The following NFIX variants were observed in gnomAD, a reference collection of about 807,000 sequenced individuals.
The protein encoded by NFIX is nuclear factor I X, also known as nuclear factor 1 X-type.
Under a neutral mutation model 53.3 loss-of-function variants are expected in NFIX, and 2 were observed. The observed-to-expected ratio is 0.04, with a 90% CI of 0.02 to 0.12. The LOEUF (loss-of-function observed/expected upper bound fraction) is 0.12, where lower values mean the gene tolerates loss of function less well. NFIX is among the 10% of genes least tolerant of loss of function. The pLI is 1.00. For synonymous variants in NFIX, 244 were observed against 289.0 expected (o/e 0.84, Z 1.58); for missense variants, 310 against 674.5 (o/e 0.46, Z 5.99).
chr19:13,033,887 C>T (rs1365768480), intron 2 of NFIX, among the ~76,000 whole-genome samples: 2 of 152,214 alleles, frequency 1.3e-5, no homozygotes, highest in African/African-American at 4.8e-5. Flanking sequence ...GGAATTAGCT[C>T]GTTTTGTCAG....
At chr19:13,059,777 C>CT (rs35128120) in intron 2 of NFIX, among the ~76,000 whole-genome samples, 6,337 of 60,542 alleles carry the variant, frequency 0.1, 836 homozygotes, top group Middle Eastern at 0.24. Flanking sequence ...AATTAGAATT[C>CT]TTTTTTTTTT....
At chr19:13,023,866 C>G (rs1208544505) in intron 1 of NFIX, 2 of 625,148 alleles carry the variant, frequency 3.2e-6, no homozygotes, top group Non-Finnish European at 5.6e-6. Flanking sequence ...TCCACCCAAG[C>G]CCGGCCCCTA....
At chr19:13,039,245 C>CACAT (rs146029256) in intron 2 of NFIX, among the ~76,000 whole-genome samples, 4 of 148,492 alleles carry the variant, frequency 2.7e-5, no homozygotes, top group African/African-American at 1.0e-4. Context: ...CACACATACA[C>CACAT]GTGTGTGTGT....
chr19:13,058,718 GA>G (rs2015868983), intron 2 of NFIX, among the ~76,000 whole-genome samples: 2 of 151,834 alleles, frequency 1.3e-5, no homozygotes, highest in South Asian at 4.2e-4. Flanking sequence ...AAACAGAAAA[GA>G]AAAAAAGCTC....
chr19:13,075,946 T>C (rs1183056705), intron 6 of NFIX, among the ~76,000 whole-genome samples: 2 of 152,132 alleles, frequency 1.3e-5, no homozygotes, highest in Non-Finnish European at 2.9e-5. Context: ...TGCCCCACAG[T>C]GGGATGGCCG....
Position 13,011,253 on chromosome 19 carries a change from G to T in NFIX, c.28-13768G>T, listed in dbSNP as rs778527843. On this transcript the variant is annotated intron_variant, in intron 1 of 10. Transcript: ENST00000592199. The surrounding 1 kb of genome is among the most constrained non-coding windows in gnomAD (Gnocchi z 6.5). Reference sequence around the variant, plus strand: ...CAGCCCCAGAAACACAATCGCGGGGGTGGGTGCTGGCGGCGAGACGTTGCT... The same window carrying T: ...CAGCCCCAGAAACACAATCGCGGGGTTGGGTGCTGGCGGCGAGACGTTGCT... Among the ~76,000 whole-genome samples, 3 of 152,214 alleles carry T rather than the reference G, an allele frequency of 2.0e-5. No homozygotes were observed. The highest frequency in any genetic ancestry group is 4.4e-5 in the Non-Finnish European group (3 of 68,044).
intron 2 of NFIX, among the ~76,000 whole-genome samples, chr19:13,063,902 C>G (rs1013451499): frequency 4.6e-5 from 7 of 152,224 alleles, no homozygotes; most frequent in African/African-American, 1.7e-4. Context: ...ATGCCCAGCC[C>G]TGGGAGGTTG....
At chr19:13,029,075 C>A (rs1391723479) in intron 2 of NFIX, among the ~76,000 whole-genome samples, 1 of 152,190 alleles carries the variant, frequency 6.6e-6, no homozygotes, top group Non-Finnish European at 1.5e-5. Flanking sequence ...TTTTCTTTAT[C>A]TAAACTCTTT....
intron 2 of NFIX, chr19:13,070,464 G>A (rs2016705516): frequency 6.6e-6 from 1 of 152,528 alleles, no homozygotes; most frequent in South Asian, 2.1e-4. Flanking sequence ...CGGGGAGAAG[G>A]AGAACACCAC....
Position 13,036,197 on chromosome 19 carries a change from C to T in NFIX, c.559+10645C>T, listed in dbSNP as rs1433765124. Among the ~76,000 whole-genome samples, 3 of 152,324 alleles carry T rather than the reference C, an allele frequency of 2.0e-5. No individual in the cohort carries two copies. The highest frequency in any genetic ancestry group is 4.1e-4 in the South Asian group (2 of 4,828). Reference sequence around the variant, plus strand: ...CGACTTCCCAAGTCTCCTAGGAAGGCGAGGGCTCTCCTTCGTGTGGAGTAG... The same window carrying T: ...CGACTTCCCAAGTCTCCTAGGAAGGTGAGGGCTCTCCTTCGTGTGGAGTAG... On this transcript the variant is annotated intron_variant, in intron 2 of 10. Transcript: ENST00000592199. This position sits in a 1 kb window ranked among gnomAD's most constrained non-coding sequence, Gnocchi z 4.7.
Position 12,995,632 on chromosome 19 carries a change from G to GCGGCGGCCC in NFIX, c.-202_-194dup, listed in dbSNP as rs1332244884. The GCGGCGGCCC allele has an allele frequency of 6.9e-6, 1 of 145,632 alleles. No individual in the cohort carries two copies. Among genetic ancestry groups the GCGGCGGCCC allele is most frequent in the African/African-American group, 2.5e-5 (1 of 40,264 alleles). The allele number at this position is 145,632 out of a possible 1,614,324, so 9.0% of individuals were successfully genotyped here. ...GGCGAGCGCGGCGGCGGCGGCGGCA[G>GCGGCGGCCC]CGGCGGCCCCGGAGCCGGCGGGGCC... On this transcript the variant is annotated 5_prime_UTR_variant, in exon 1 of 11. Coordinates refer to ENST00000592199, the MANE Select transcript of NFIX (RefSeq NM_001365902.3).
rs1032855438 is a variant in NFIX at position 13,088,546 on chromosome 19, C to A, written c.1402+410C>A. Among the ~76,000 whole-genome samples the A allele has an allele frequency of 2.1e-5, 3 of 145,744 alleles. No homozygotes were observed. Among genetic ancestry groups the A allele is most frequent in the African/African-American group, 5.1e-5 (2 of 39,144 alleles). ...TTAATTTTTTTGTTGTTTCGTTGTT[C>A]CCCCCACACCAAGAAAATCAAATGT... On this transcript the variant is annotated intron_variant, in intron 9 of 10. Transcript: ENST00000592199. This position sits in a 1 kb window ranked among gnomAD's most constrained non-coding sequence, Gnocchi z 5.9.
Position 13,067,420 on chromosome 19 carries a change from G to A in NFIX, c.560-5627G>A, listed in dbSNP as rs578028701. Among the ~76,000 whole-genome samples the A allele has an allele frequency of 1.3e-5, 2 of 152,212 alleles. No individual in the cohort carries two copies. The highest frequency in any genetic ancestry group is 4.1e-4 in the South Asian group (2 of 4,826). ...TGTACCATCTCACTCCACCCTTTCT[G>A]GACGGCAAGAAGTGGTTAGTGGCAC... is the stretch of plus-strand genomic sequence containing the variant. On this transcript the variant is annotated intron_variant, in intron 2 of 10. Coordinates refer to ENST00000592199, the MANE Select transcript of NFIX (RefSeq NM_001365902.3). The surrounding 1 kb of genome is among the most constrained non-coding windows in gnomAD (Gnocchi z 4.2).
Position 13,019,325 on chromosome 19 carries a change from TCAAATAATCCATA to T in NFIX, c.28-5693_28-5681del, listed in dbSNP as rs1419850129. The stretch of plus-strand genomic sequence containing the variant: ...GCTGTACATATTTTCCTATTTTTCT[TCAAATAATCCATA>T]CAGGCTCAGTGGACAGGTCTGTTGT... On this transcript the variant is annotated intron_variant, in intron 1 of 10. Transcript: ENST00000592199. 2.0e-5 allele frequency among the ~76,000 whole-genome samples: 3 copies of T among 152,226 alleles called. No individual in the cohort carries two copies. The East Asian group carries it at 5.8e-4, about 29-fold the overall frequency.
rs1270636502 is a variant in NFIX at position 13,072,062 on chromosome 19, G to A, written c.560-985G>A. 6.6e-6 allele frequency among the ~76,000 whole-genome samples: 1 copy of A among 152,188 alleles called. No homozygotes were observed. Among genetic ancestry groups the A allele is most frequent in the Non-Finnish European group, 1.5e-5 (1 of 68,026 alleles). The stretch of plus-strand genomic sequence containing the variant: ...GTTTTTCAGATGCCACCCCCATGTG[G>A]TCCCCCTGTGAGCAGCTGATTCTTC... On this transcript the variant is annotated intron_variant, in intron 2 of 10. Coordinates refer to ENST00000592199, the MANE Select transcript of NFIX (RefSeq NM_001365902.3). This position sits in a 1 kb window ranked among gnomAD's most constrained non-coding sequence, Gnocchi z 4.0.
At chr19:13,018,643 A>G (rs925288387) in intron 1 of NFIX, among the ~76,000 whole-genome samples, 6 of 152,134 alleles carry the variant, frequency 3.9e-5, no homozygotes, top group African/African-American at 1.4e-4. Context: ...TTGGCCCCCA[A>G]CTGAGGGGAG....
chr19:13,000,580 C>T (rs938985058), intron 1 of NFIX, among the ~76,000 whole-genome samples: 1 of 151,820 alleles, frequency 6.6e-6, no homozygotes, highest in African/African-American at 2.4e-5. Flanking sequence ...AGGGGAGAGA[C>T]GAGGCCTCCA....
In NFIX at chr19:13,097,374, AATT is replaced by A. The variant is rs1254018439; in HGVS notation, c.*2729_*2731del. On this transcript the variant is annotated 3_prime_UTR_variant, in exon 11 of 11. Transcript: ENST00000592199. ...TCAAAAAGGAAAAGGACGAGAGAAA[AATT>A]ATTTTTAAGATAATTAAACATAAAA... The A allele has an allele frequency of 6.6e-6, 1 of 152,258 alleles. No individual in the cohort carries two copies. Among genetic ancestry groups the A allele is most frequent in the Non-Finnish European group, 1.5e-5 (1 of 67,944 alleles). The allele number at this position is 152,258 out of a possible 1,614,324, so 9.4% of individuals were successfully genotyped here.
chr19:13,049,491 T>C lies in NFIX; in HGVS notation c.560-23556T>C, dbSNP rs903015970. On this transcript the variant is annotated intron_variant, in intron 2 of 10. Transcript: ENST00000592199. The surrounding 1 kb of genome is among the most constrained non-coding windows in gnomAD (Gnocchi z 4.5). ...GATTTGCCTAGTTGTGGATGTTTCA[T>C]ATAAATGAGATCATACACTATGTGG... 1.3e-5 allele frequency among the ~76,000 whole-genome samples: 2 copies of C among 152,146 alleles called. No individual in the cohort carries two copies. The highest frequency in any genetic ancestry group is 2.9e-5 in the Non-Finnish European group (2 of 68,032).
Sources: allele counts gnomAD v4.1 joint callset (sites outside exome capture counted in the v4.1 genomes callset), GRCh38; gene constraint gnomAD v4.1.1; non-coding constraint Gnocchi (gnomAD v3.1); transcripts MANE v1.5; gene names NCBI Gene and HGNC (gene_info 2026-07-23, HGNC 2026-07-21).